Variants in CSMD3 observed in about 807,000 individuals in gnomAD.
CSMD3 encodes the protein CUB and Sushi multiple domains 3.
In CSMD3, 177 loss-of-function variants were observed where a neutral mutation model predicts 435.2. The ratio of observed to expected loss-of-function variants is 0.41; its 90% CI spans 0.36 to 0.46. The LOEUF (loss-of-function observed/expected upper bound fraction) is 0.46, where lower values mean the gene tolerates loss of function less well. Among genes scored for constraint, CSMD3 ranks in the 20% least tolerant of loss-of-function variants. CSMD3 has a pLI of 0.34. For synonymous variants in CSMD3, 1,656 were observed against 1,520.5 expected (o/e 1.09, Z -2.07); for missense variants, 4,265 against 4,504.6 (o/e 0.95, Z 1.52).
At chr8:113,324,205 G>A (rs1398757516) in intron 1 of CSMD3, among the ~76,000 whole-genome samples, 3 of 152,188 alleles carry the variant, frequency 2.0e-5, no homozygotes, top group African/African-American at 2.4e-5. Flanking sequence ...GCTGGCTGCA[G>A]AAATTTGCAT....
At position 112,224,816 on chromosome 8, in the gene CSMD3, C is replaced by T. The variant is rs4876458; in HGVS notation, c.11079G>A (p.Ala3693=). The stretch of plus-strand genomic sequence containing the variant: ...TGTTCAAGTTGGGATCAAATCGTAC[C>T]GCCTTCCCTTCCACTGACTTTGCGT... The part of the protein sequence containing the change: ...DTNAKSVEGK[A]VRFDPNLNTV... The change falls in exon 71 of 71, where the codon GCG becomes GCA. Residue 3693 remains alanine, a synonymous_variant. Transcript: ENST00000297405. 175,004 of 1,613,672 alleles carry T rather than the reference C, an allele frequency of 0.11. 10,379 individuals carry two copies. The highest frequency in any genetic ancestry group is 0.19 in the Middle Eastern group (1,171 of 6,062).
intron 4 of CSMD3, among the ~76,000 whole-genome samples, chr8:113,144,418 A>C (rs1161980868): frequency 6.6e-6 from 1 of 151,440 alleles, no homozygotes. Context: ...TGTTAAACCA[A>C]ATTGTTTTCA....
chr8:112,830,564 A>G (rs941991437), intron 11 of CSMD3, among the ~76,000 whole-genome samples: 3 of 152,144 alleles, frequency 2.0e-5, no homozygotes, highest in Non-Finnish European at 4.4e-5. Context: ...ACATAAAATT[A>G]CATAATGTCC....
At chr8:113,225,918 G>A (rs2093022653) in intron 3 of CSMD3, among the ~76,000 whole-genome samples, 1 of 151,412 alleles carries the variant, frequency 6.6e-6, no homozygotes, top group Non-Finnish European at 1.5e-5. Context: ...AGATCATGAA[G>A]GCTGTTCCCC....
intron 32 of CSMD3, among the ~76,000 whole-genome samples, chr8:112,452,240 T>C (rs1177705818): frequency 1.3e-5 from 2 of 152,198 alleles, no homozygotes; most frequent in African/African-American, 4.8e-5. Context: ...TCGAAACATA[T>C]TTTATTCAGT....
chr8:112,890,847 G>A (rs1189616903), intron 10 of CSMD3, among the ~76,000 whole-genome samples: 1 of 151,602 alleles, frequency 6.6e-6, no homozygotes, highest in East Asian at 2.0e-4. Flanking sequence ...GAAAGTTATA[G>A]TATAAATGGA....
intron 1 of CSMD3, among the ~76,000 whole-genome samples, chr8:113,431,812 T>A (rs1396320735): frequency 6.6e-6 from 1 of 152,202 alleles, no homozygotes; most frequent in Non-Finnish European, 1.5e-5. Context: ...AGAGTTTTAC[T>A]GTACTTAGAA....
At chr8:112,557,097 T>A (rs1249066777) in intron 24 of CSMD3, 143 bp from the exon 25 acceptor site, 1 of 625,840 alleles carries the variant, frequency 1.6e-6, no homozygotes, top group Non-Finnish European at 2.8e-6. Flanking sequence ...AATTTTCGTA[T>A]CATACAACAA....
chr8:113,190,158 CTTAT>C (rs1422903032), intron 3 of CSMD3, among the ~76,000 whole-genome samples: 1 of 151,678 alleles, frequency 6.6e-6, no homozygotes, highest in Non-Finnish European at 1.5e-5. Flanking sequence ...CTAATGTTCA[CTTAT>C]TTATTAAACA....
chr8:112,326,359 T>C (rs1823512746), intron 45 of CSMD3, among the ~76,000 whole-genome samples: 1 of 152,204 alleles, frequency 6.6e-6, no homozygotes. Context: ...GCTGATCAAA[T>C]ATTTACTCTG....
intron 10 of CSMD3, among the ~76,000 whole-genome samples, chr8:112,863,064 T>C (rs2129923653): frequency 6.6e-6 from 1 of 152,156 alleles, no homozygotes; most frequent in East Asian, 1.9e-4. Context: ...TTTCAATTTT[T>C]TCTTGCTGAT....
At chr8:113,101,863 T>TA (rs1204434358) in intron 4 of CSMD3, among the ~76,000 whole-genome samples, 1 of 152,096 alleles carries the variant, frequency 6.6e-6, no homozygotes, top group East Asian at 1.9e-4. Flanking sequence ...AATGTTAGAT[T>TA]AAAAAAAATT....
chr8:112,278,214 T>C lies in CSMD3; in HGVS notation c.9508+2960A>G, dbSNP rs544593660. On this transcript the variant is annotated intron_variant, in intron 59 of 70. Transcript: ENST00000297405. The stretch of plus-strand genomic sequence containing the variant: ...GGATGACTATCATTACCTGAGGGAC[T>C]TTTTTGTTGTTGTTTGTGACTTGAT... Among the ~76,000 whole-genome samples the C allele has an allele frequency of 1.8e-4, 27 of 152,262 alleles. 1 individual carries two copies. The South Asian group carries it at 5.6e-3, about 32-fold the overall frequency.
intron 4 of CSMD3, among the ~76,000 whole-genome samples, chr8:113,115,456 C>T (rs2090793808): frequency 1.3e-5 from 2 of 152,256 alleles, no homozygotes; most frequent in South Asian, 2.1e-4. Flanking sequence ...CCCTCTCAGT[C>T]CTTGCTATTT....
intron 1 of CSMD3, among the ~76,000 whole-genome samples, chr8:113,420,874 CAGCAGGCGGAGGTTGTAGT>C (rs1271856722): frequency 6.6e-6 from 1 of 151,520 alleles, no homozygotes; most frequent in Non-Finnish European, 1.5e-5. Flanking sequence ...TTCCTGAACC[CAGCAGGCGGAGGTTGTAGT>C]AGCTGAGATC....
chr8:112,682,676 A>G (rs1018466729), intron 15 of CSMD3, 40 bp from the exon 16 acceptor site: 1 of 1,311,752 alleles, frequency 7.6e-7, no homozygotes, highest in Non-Finnish European at 1.1e-6. Flanking sequence ...CAAACAAACA[A>G]CATTAGCCAG....
At chr8:113,212,753 G>A (rs974821909) in intron 3 of CSMD3, among the ~76,000 whole-genome samples, 2 of 151,816 alleles carry the variant, frequency 1.3e-5, no homozygotes, top group African/African-American at 2.4e-5. Flanking sequence ...TGGGGGAAGG[G>A]GGGAGGGATA....
chr8:112,874,373 G>GT (rs1381365069), intron 10 of CSMD3, among the ~76,000 whole-genome samples: 1 of 152,156 alleles, frequency 6.6e-6, no homozygotes, highest in Non-Finnish European at 1.5e-5. Flanking sequence ...TGAGAAGAAT[G>GT]TATTTTCTGT....
At chr8:112,703,429 G>T (rs1283782853) in intron 13 of CSMD3, among the ~76,000 whole-genome samples, 1 of 152,144 alleles carries the variant, frequency 6.6e-6, no homozygotes, top group Non-Finnish European at 1.5e-5. Context: ...GCTAAAATTT[G>T]TAGAAACAAG....
Sources: allele counts gnomAD v4.1 joint callset (sites outside exome capture counted in the v4.1 genomes callset), GRCh38; gene constraint gnomAD v4.1.1; transcripts MANE v1.5; gene names NCBI Gene and HGNC (gene_info 2026-07-23, HGNC 2026-07-21).